Variants in IL1B observed in about 807,000 individuals in gnomAD.
IL1B encodes the protein interleukin 1 beta.
In IL1B, 11 loss-of-function variants were observed where a neutral mutation model predicts 26.2. The ratio of observed to expected loss-of-function variants is 0.42; its 90% CI spans 0.26 to 0.70. The LOEUF is 0.70. Ranked by LOEUF, IL1B falls within the 30% of genes least tolerant of loss-of-function variation. The pLI is 0.25. For synonymous variants in IL1B, 118 were observed against 120.8 expected (o/e 0.98, Z 0.15); for missense variants, 255 against 327.5 (o/e 0.78, Z 1.71).
At position 112,836,369 on chromosome 2, in the gene IL1B, G is replaced by A. The variant is rs1682091696; in HGVS notation, c.-15-125C>T. 4.0e-6 allele frequency: 3 copies of A among 746,638 alleles called. No individual in the cohort carries two copies. The Middle Eastern group carries it at 7.5e-4, about 187-fold the overall frequency. The allele number at this position is 746,638 out of a possible 1,614,324, so 46.3% of individuals were successfully genotyped here. ...TCTCTGAGTAAATGAATGAATGTGT[G>A]AAAGAGAAGTCCTTTGGGTCTAGAG... is the stretch of plus-strand genomic sequence containing the variant. On this transcript the variant is annotated intron_variant, in intron 1 of 6. Coordinates refer to ENST00000263341, the MANE Select transcript of IL1B (RefSeq NM_000576.3).
intron 5 of IL1B, 51 bp from the exon 6 acceptor site, chr2:112,831,473 C>T (rs758626506): frequency 5.6e-6 from 9 of 1,606,388 alleles, no homozygotes; most frequent in African/African-American, 5.3e-5. Context: ...TGCAGGGTCA[C>T]CCCAACCCCT....
rs1682072665 is a variant in IL1B, at chr2:112,835,557, T to A, written c.99+9A>T. 1.2e-6 allele frequency: 2 copies of A among 1,611,420 alleles called. No individual in the cohort carries two copies. The highest frequency in any genetic ancestry group is 2.7e-5 in the African/African-American group (2 of 74,868). On this transcript the variant is annotated intron_variant, in intron 3 of 6. Coordinates refer to ENST00000263341, the MANE Select transcript of IL1B (RefSeq NM_000576.3). ...TTCCTTGGGTTGGGAGTTAAACCCA[T>A]AGTCTTACCTTCATCTGTTTAGGGC...
chr2:112,835,588 G>C lies in IL1B; in HGVS notation c.77C>G (p.Ala26Gly), dbSNP rs760315164. ...SGNEDDLFFEADGPKQMKCSF... is the reference protein window; with the variant it reads ...SGNEDDLFFEGDGPKQMKCSF... ...TACCTTCATCTGTTTAGGGCCATCA[G>C]CTTCAAAGAACAAGTCATCCTCATT... Residue 26 changes from alanine (A) to glycine (G), a missense_variant, in exon 3 of 7, where the codon GCT (alanine) becomes GGT (glycine). Physicochemically the swap from Ala to Gly is moderately conservative, Grantham distance 60. Coordinates refer to ENST00000263341, the MANE Select transcript of IL1B (RefSeq NM_000576.3). 1 of 1,613,768 alleles carries C rather than the reference G, an allele frequency of 6.2e-7. No individual in the cohort carries two copies.
chr2:112,831,312 T>TATC lies in IL1B; in HGVS notation c.574_576dup (p.Asp192dup). 1 of 1,614,010 alleles carries TATC rather than the reference T, an allele frequency of 6.2e-7. No individual in the cohort carries two copies. Among genetic ancestry groups the TATC allele is most frequent in the Non-Finnish European group, 8.5e-7 (1 of 1,179,924 alleles). On this transcript the variant is annotated inframe_insertion, in exon 6 of 7. Transcript: ENST00000263341. ...CTTACCTCCAGCTGTAGAGTGGGCT[T>TATC]ATCATCTTTCAACACGCAGGACAGG...
chr2:112,835,320 A>T (rs1425562751), intron 3 of IL1B: 2 of 569,410 alleles, frequency 3.5e-6, no homozygotes, highest in East Asian at 6.1e-5. Context: ...AATGGGAAAC[A>T]TTATCACTAC....
At chr2:112,834,317 T>C (rs1682046445) in intron 3 of IL1B, among the ~76,000 whole-genome samples, 1 of 152,266 alleles carries the variant, frequency 6.6e-6, no homozygotes. Context: ...CATTCACCTA[T>C]GCTCACTCAG....
chr2:112,830,512 A>G lies in IL1B; in HGVS notation c.659T>C (p.Ile220Thr), dbSNP rs776195456. ...KMEKRFVFNK[I>T]EINNKLEFES... The stretch of plus-strand genomic sequence containing the variant: ...AAATTCCAGCTTGTTATTGATTTCT[A>G]TCTTGTTGAAGACAAATCGCTTTTC... The change falls in exon 7 of 7, where the codon ATA becomes ACA. Residue 220 changes from isoleucine to threonine, a missense_variant. Transcript: ENST00000263341. 1 of 1,613,908 alleles carries G rather than the reference A, an allele frequency of 6.2e-7. No homozygotes were observed.
rs555832732 is a variant in IL1B, at chr2:112,830,627, G to A, written c.598-54C>T. ...GTGGGGCAAGGGACAAAGATGCTAT[G>A]GGAAAGATGTTCTTTGGGTTGGCCA... is the stretch of plus-strand genomic sequence containing the variant. On this transcript the variant is annotated intron_variant, in intron 6 of 6. Coordinates refer to ENST00000263341, the MANE Select transcript of IL1B (RefSeq NM_000576.3). 151 of 1,257,594 alleles carry A rather than the reference G, an allele frequency of 1.2e-4. 1 individual carries two copies. The African/African-American group carries it at 1.8e-3, about 15-fold the overall frequency. The allele number at this position is 1,257,594 out of a possible 1,614,324, so 77.9% of individuals were successfully genotyped here. A position where few individuals can be genotyped will look rare whatever the true frequency, so the allele number is the denominator to read the frequency against.
rs200401035 is a variant in IL1B at position 112,833,400 on chromosome 2, G to A, written c.275C>T (p.Thr92Ile). 41 of 1,614,176 alleles carry A rather than the reference G, an allele frequency of 2.5e-5. 1 individual carries two copies. The East Asian group carries it at 7.8e-4, about 31-fold the overall frequency. Residue 92 changes from threonine (T) to isoleucine (I), a missense_variant, in exon 4 of 7, where the codon ACC becomes ATC. Physicochemically the swap from Thr to Ile is moderately conservative, Grantham distance 89 (BLOSUM62 -1). Transcript: ENST00000263341. Reference protein sequence around the residue: ...PQTFQENDLSTFFPFIFEEEP... With the variant: ...PQTFQENDLSIFFPFIFEEEP... Reference sequence around the variant, plus strand: ...TTCTTCAAAGATGAAGGGAAAGAAGGTGCTCAGGTCATTCTCCTGGAAGGT... The same window carrying A: ...TTCTTCAAAGATGAAGGGAAAGAAGATGCTCAGGTCATTCTCCTGGAAGGT...
intron 5 of IL1B, among the ~76,000 whole-genome samples, chr2:112,831,630 G>A (rs1254738259): frequency 1.3e-5 from 2 of 152,170 alleles, no homozygotes; most frequent in Admixed American, 6.5e-5. Context: ...TCAAAGGCCT[G>A]AGGGTTTCTC....
At chr2:112,832,198 C>T (rs1391185676) in intron 5 of IL1B, among the ~76,000 whole-genome samples, 8 of 151,870 alleles carry the variant, frequency 5.3e-5, no homozygotes, top group Admixed American at 1.3e-4. Flanking sequence ...TCCTGCTGGG[C>T]GGTAAAATTT....
At chr2:112,831,737 A>G (rs1000769125) in intron 5 of IL1B, among the ~76,000 whole-genome samples, 3 of 152,212 alleles carry the variant, frequency 2.0e-5, no homozygotes, top group Non-Finnish European at 4.4e-5. Flanking sequence ...CTGGCTGGCA[A>G]TGTGCCCATC....
chr2:112,832,727 A>T lies in IL1B; in HGVS notation c.401T>A (p.Leu134Ter), dbSNP rs761597173. The change falls in exon 5 of 7, where the codon TTG becomes TAG. Residue 134 changes from leucine to a stop codon, truncating the protein, a stop_gained. Coordinates refer to ENST00000263341, the MANE Select transcript of IL1B (RefSeq NM_000576.3). LOFTEE classifies it high-confidence loss of function. ...CAGTTCATATGGACCAGACATCACCAAGCTTTTTTGCTGTGAGTCCCGGAG... is the reference window on the plus strand; with the variant it reads ...CAGTTCATATGGACCAGACATCACCTAGCTTTTTTGCTGTGAGTCCCGGAG... ...CTLRDSQQKS[L>*]VMSGPYELKA... The T allele has an allele frequency of 6.2e-7, 1 of 1,614,106 alleles. No homozygotes were observed. The highest frequency in any genetic ancestry group is 1.7e-5 in the Admixed American group (1 of 60,022).
chr2:112,834,355 T>C (rs1002282836), intron 3 of IL1B, among the ~76,000 whole-genome samples: 22 of 152,050 alleles, frequency 1.4e-4, no homozygotes, highest in African/African-American at 5.3e-4. Context: ...TACACTGTTC[T>C]TTTTTTTCCT....
intron 2 of IL1B, 46 bp downstream of exon 2, chr2:112,836,137 A>G (rs775041641): frequency 6.3e-7 from 1 of 1,579,722 alleles, no homozygotes; most frequent in Non-Finnish European, 8.7e-7. Context: ...TCTACTCTTG[A>G]AAGAGGAGAC....
In IL1B at chr2:112,830,213, C is replaced by G; in HGVS notation, c.*148G>C. 1.4e-6 allele frequency: 1 copy of G among 692,668 alleles called. No individual in the cohort carries two copies. Among genetic ancestry groups the G allele is most frequent in the East Asian group, 2.7e-5 (1 of 37,732 alleles). 42.9% of individuals were successfully genotyped at this position (692,668 alleles called of 1,614,324 possible). ...GCTGATGGACAGGAGATCCTCTTAGCACTACCCTAAGGCAGGCAGTTGGGC... is the reference window on the plus strand; with the variant it reads ...GCTGATGGACAGGAGATCCTCTTAGGACTACCCTAAGGCAGGCAGTTGGGC... On this transcript the variant is annotated 3_prime_UTR_variant, in exon 7 of 7. Coordinates refer to ENST00000263341, the MANE Select transcript of IL1B (RefSeq NM_000576.3).
chr2:112,829,930 G>A lies in IL1B; in HGVS notation c.*431C>T, dbSNP rs905485026. On this transcript the variant is annotated 3_prime_UTR_variant, in exon 7 of 7. Coordinates refer to ENST00000263341, the MANE Select transcript of IL1B (RefSeq NM_000576.3). ...TGATTCCATAGCTATTAAAAACTAG[G>A]CTCTTTTACAGACACTGCTACTTCT... The A allele has an allele frequency of 6.9e-5, 12 of 173,488 alleles. No homozygotes were observed. The highest frequency in any genetic ancestry group is 1.4e-4 in the Non-Finnish European group (11 of 79,702). The allele number at this position is 173,488 out of a possible 1,614,324, so 10.7% of individuals were successfully genotyped here. A position where few individuals can be genotyped will look rare whatever the true frequency, so the allele number is the denominator to read the frequency against.
chr2:112,833,556 T>A lies in IL1B; in HGVS notation c.119A>T (p.Asp40Val). 6.2e-7 allele frequency: 1 copy of A among 1,613,856 alleles called. No homozygotes were observed. The highest frequency in any genetic ancestry group is 8.5e-7 in the Non-Finnish European group (1 of 1,179,986). The change falls in exon 4 of 7, where the codon GAC (aspartate) becomes GTC (valine). Residue 40 changes from aspartate to valine, a missense_variant. By Grantham distance (152) the Asp-to-Val change is radical (BLOSUM62 -3). Coordinates refer to ENST00000263341, the MANE Select transcript of IL1B (RefSeq NM_000576.3). ...KQMKCSFQDL[D>V]LCPLDGGIQL... ...GATGCCGCCATCCAGAGGGCAGAGG[T>A]CCAGGTCCTGGAAGGAGCACTGCGG...
chr2:112,831,493 G>A lies in IL1B; in HGVS notation c.467-71C>T, dbSNP rs1040217622. 19 of 1,568,200 alleles carry A rather than the reference G, an allele frequency of 1.2e-5. No individual in the cohort carries two copies. The African/African-American group carries it at 1.6e-4, about 13-fold the overall frequency. On this transcript the variant is annotated intron_variant, in intron 5 of 6. Transcript: ENST00000263341. ...GGTCACCCCAACCCCTAGGCCCCAT[G>A]AGTAGGATACATGTAATTTGGTAGC...
Sources: allele counts gnomAD v4.1 joint callset (sites outside exome capture counted in the v4.1 genomes callset), GRCh38; gene constraint gnomAD v4.1.1; transcripts MANE v1.5; gene names NCBI Gene and HGNC (gene_info 2026-07-23, HGNC 2026-07-21).